Variants in ATG7 observed in about 807,000 individuals in gnomAD.
ATG7 encodes the protein ubiquitin-like modifier-activating enzyme ATG7.
A neutral mutation model predicts 82.4 loss-of-function variants in ATG7; 70 were observed. That is an observed-to-expected ratio of 0.85 (90% CI 0.70 to 1.04). ATG7 has a LOEUF of 1.04. Ranked by LOEUF, ATG7 falls within the 50% of genes least tolerant of loss-of-function variation. ATG7 has a pLI of 0.00. For missense variants in ATG7, 792 were observed against 864.3 expected, an observed-to-expected ratio of 0.92 and a Z score of 1.05; for synonymous variants, 287 against 313.0, an observed-to-expected ratio of 0.92 and a Z score of 0.88.
intron 13 of ATG7, 107 bp downstream of exon 13, chr3:11,342,386 C>G: frequency 2.3e-6 from 3 of 1,307,956 alleles, no homozygotes; most frequent in Non-Finnish European, 3.1e-6. Context: ...TCCCCTCCAT[C>G]TCTCCCTCCC....
At chr3:11,528,379 C>T (rs2092627378) in intron 20 of ATG7, among the ~76,000 whole-genome samples, 1 of 152,176 alleles carries the variant, frequency 6.6e-6, no homozygotes, top group Non-Finnish European at 1.5e-5. Flanking sequence ...CAGTCACTTA[C>T]AGTCACCAAT....
At chr3:11,542,542 C>T (rs1303970271) in intron 20 of ATG7, among the ~76,000 whole-genome samples, 15 of 151,988 alleles carry the variant, frequency 9.9e-5, no homozygotes, top group Non-Finnish European at 1.5e-5. Flanking sequence ...TGGGCCATGG[C>T]CCTTCCTGTG....
In ATG7 at chr3:11,463,063, T is replaced by G. The variant is rs189354362; in HGVS notation, c.2079+36137T>G. Among the ~76,000 whole-genome samples, 12 of 152,076 alleles carry G rather than the reference T, an allele frequency of 7.9e-5. No individual in the cohort carries two copies. The East Asian group carries it at 1.9e-3, about 25-fold the overall frequency. On this transcript the variant is annotated intron_variant, in intron 20 of 20. Transcript: ENST00000693202. ...ATCATGCCCAGCTAATTTTGAATTT[T>G]TAGTAGAGATGGGGTTTTGCCATGT...
intron 19 of ATG7, among the ~76,000 whole-genome samples, chr3:11,391,676 A>C (rs1371378734): frequency 6.6e-6 from 1 of 152,200 alleles, no homozygotes; most frequent in Non-Finnish European, 1.5e-5. Flanking sequence ...AGCCAGTGCA[A>C]CATGGGCAGG....
intron 20 of ATG7, among the ~76,000 whole-genome samples, chr3:11,442,357 C>T (rs2084061165): frequency 6.6e-6 from 1 of 152,100 alleles, no homozygotes; most frequent in South Asian, 2.1e-4. Flanking sequence ...GCCTACTCCA[C>T]AAAGTTGATG....
In ATG7 at chr3:11,362,882, G is replaced by A; in HGVS notation, c.1753G>A (p.Ala585Thr). 6.2e-7 allele frequency: 1 copy of A among 1,614,112 alleles called. No individual in the cohort carries two copies. The highest frequency in any genetic ancestry group is 8.5e-7 in the Non-Finnish European group (1 of 1,179,984). Residue 585 changes from alanine to threonine, a missense_variant, in exon 17 of 21, where the codon GCC becomes ACC. Ala to Thr is a moderately conservative substitution (Grantham distance 58). Transcript: ENST00000693202. ...TCCAGGACTGGCCGTGATTGCAGGA[G>A]CCCTGGCCGTGGAATTGATGGTATC... is the stretch of plus-strand genomic sequence containing the variant. ...SRPGLAVIAGALAVELMVSVL... is the reference protein window; with the variant it reads ...SRPGLAVIAGTLAVELMVSVL...
chr3:11,565,299 C>T, the ATG7 span, among the ~76,000 whole-genome samples: 1 of 152,082 alleles, frequency 6.6e-6, no homozygotes, highest in Admixed American at 6.5e-5. The surrounding 1 kb of genome is among the most constrained non-coding windows in gnomAD (Gnocchi z 4.1). Context: ...GTGTTCACTT[C>T]TATAATAATC....
chr3:11,549,980 A>C (rs1016316923), intron 20 of ATG7, among the ~76,000 whole-genome samples: 1 of 152,114 alleles, frequency 6.6e-6, no homozygotes, highest in African/African-American at 2.4e-5. Context: ...GAGGACTGCA[A>C]ACTGCACGTC....
the ATG7 span, among the ~76,000 whole-genome samples, chr3:11,573,032 G>T: frequency 1.3e-5 from 2 of 151,914 alleles, no homozygotes; most frequent in African/African-American, 2.4e-5. Flanking sequence ...TGGGCTTGGT[G>T]GTGGGCGCCT....
At chr3:11,324,579 C>T (rs1226867552) in intron 9 of ATG7, among the ~76,000 whole-genome samples, 3 of 152,152 alleles carry the variant, frequency 2.0e-5, no homozygotes, top group Admixed American at 6.5e-5. Flanking sequence ...CATTCCTGCT[C>T]TCTATAGCCC....
At chr3:11,516,042 A>C (rs564888805) in intron 20 of ATG7, among the ~76,000 whole-genome samples, 25 of 151,710 alleles carry the variant, frequency 1.6e-4, no homozygotes, top group Middle Eastern at 3.4e-3. Flanking sequence ...AAAAAAAAAA[A>C]AAAACAAAAA....
At chr3:11,534,574 C>T (rs137884554) in intron 20 of ATG7, among the ~76,000 whole-genome samples, 4 of 152,344 alleles carry the variant, frequency 2.6e-5, no homozygotes, top group South Asian at 2.1e-4. Context: ...GGCTACGTGC[C>T]GCCAGGCAGG....
chr3:11,385,821 T>C (rs1320050070), intron 19 of ATG7, among the ~76,000 whole-genome samples: 2 of 152,206 alleles, frequency 1.3e-5, no homozygotes, highest in Admixed American at 1.3e-4. Flanking sequence ...ATGGCAGTTA[T>C]GAAGTTGTTT....
downstream of ATG7, chr3:11,558,507 G>C (rs1388471088): frequency 1.6e-6 from 2 of 1,257,856 alleles, no homozygotes; most frequent in Non-Finnish European, 2.1e-6. Flanking sequence ...ACTGTTCAAA[G>C]CTCAGGCAAA....
At chr3:11,509,353 G>A (rs2091923913) in intron 20 of ATG7, among the ~76,000 whole-genome samples, 1 of 152,058 alleles carries the variant, frequency 6.6e-6, no homozygotes, top group Non-Finnish European at 1.5e-5. Flanking sequence ...TCTACATCCA[G>A]GGAGCTGTTT....
rs1283119177 is a variant in ATG7, at chr3:11,347,991, G to C, written c.1240G>C (p.Ala414Pro). The C allele has an allele frequency of 2.5e-6, 4 of 1,614,100 alleles. No homozygotes were observed. The highest frequency in any genetic ancestry group is 1.7e-4 in the Middle Eastern group (1 of 6,052). The change falls in exon 14 of 21, where the codon GCT becomes CCT. Residue 414 changes from alanine to proline, a missense_variant. Physicochemically the swap from Ala to Pro is conservative, Grantham distance 27. Coordinates refer to ENST00000693202, the MANE Select transcript of ATG7 (RefSeq NM_001349232.2). ...TTGCCTAGGGGGTGGTAAGCCCAAG[G>C]CTCTGGCAGCAGCGGACCGGCTCCA... ...EDCLGGGKPK[A>P]LAAADRLQKI...
rs528508019 is a variant in ATG7 at position 11,482,101 on chromosome 3, C to T, written c.2079+55175C>T. On this transcript the variant is annotated intron_variant, in intron 20 of 20. Transcript: ENST00000693202. ...GAATCCTCTTCTCTCTCTCCTGATG[C>T]CCCGGTTCCTTCTCTCATCACTGCT... Among the ~76,000 whole-genome samples the T allele has an allele frequency of 1.9e-4, 29 of 152,332 alleles. No individual in the cohort carries two copies. The South Asian group carries it at 3.7e-3, about 20-fold the overall frequency.
At chr3:11,542,988 T>C (rs753819119) in intron 20 of ATG7, among the ~76,000 whole-genome samples, 5 of 152,124 alleles carry the variant, frequency 3.3e-5, no homozygotes, top group Admixed American at 6.5e-5. Flanking sequence ...GGAGGTGGCA[T>C]GCCAGCCCAC....
At chr3:11,372,424 T>C (rs1208799310) in intron 18 of ATG7, among the ~76,000 whole-genome samples, 1 of 151,128 alleles carries the variant, frequency 6.6e-6, no homozygotes, top group Non-Finnish European at 1.5e-5. Context: ...TGCAGTGTTT[T>C]GAAAAATTAA....
Sources: allele counts gnomAD v4.1 joint callset (sites outside exome capture counted in the v4.1 genomes callset), GRCh38; gene constraint gnomAD v4.1.1; non-coding constraint Gnocchi (gnomAD v3.1); transcripts MANE v1.5; gene names NCBI Gene and HGNC (gene_info 2026-07-23, HGNC 2026-07-21).